The following SYTL3 variants were observed in gnomAD, a reference collection of about 807,000 sequenced individuals.
SYTL3 encodes the protein synaptotagmin-like protein 3.
In SYTL3, 88 loss-of-function variants were observed where a neutral mutation model predicts 82.1. That is an observed-to-expected ratio of 1.07 (90% confidence interval 0.90 to 1.28). The LOEUF is 1.28. SYTL3 is among the 50% of genes most tolerant of loss of function. SYTL3 has a pLI of 0.00. For missense variants in SYTL3, 831 were observed against 757.6 expected, an observed-to-expected ratio of 1.10 and a Z score of -1.14; for synonymous variants, 311 against 289.4, an observed-to-expected ratio of 1.07 and a Z score of -0.76.
chr6:158,726,648 G>A, intron 11 of SYTL3: 1 of 269,584 alleles, frequency 3.7e-6, no homozygotes, highest in East Asian at 1.0e-4. Context: ...GGAATGCAAA[G>A]TAATGGGTCC....
intron 6 of SYTL3, among the ~76,000 whole-genome samples, chr6:158,685,711 G>T (rs996598183): frequency 6.6e-6 from 1 of 152,050 alleles, no homozygotes; most frequent in Non-Finnish European, 1.5e-5. Flanking sequence ...CCAGCTACTC[G>T]GGAGGCTGAG....
chr6:158,682,913 TC>T lies in SYTL3; in HGVS notation c.330-11del, dbSNP rs750115693. ...TCTCTCTCTGAAGCTTCCTTTCTGC[TC>T]ATTTTTTCAGGAATGTCAAAATAAA... On this transcript the variant is annotated splice_polypyrimidine_tract_variant and intron_variant, in intron 5 of 17. Transcript: ENST00000611299. 22 of 1,610,066 alleles carry T rather than the reference TC, an allele frequency of 1.4e-5. No individual in the cohort carries two copies. The Admixed American group carries it at 1.5e-4, about 11-fold the overall frequency.
intron 6 of SYTL3, among the ~76,000 whole-genome samples, chr6:158,697,467 C>G (rs1050397124): frequency 1.3e-5 from 2 of 151,858 alleles, no homozygotes; most frequent in Admixed American, 6.6e-5. Context: ...GGGAAAGATT[C>G]ACGACATTGG....
In SYTL3 at chr6:158,728,668, C is replaced by T. The variant is rs1159660756; in HGVS notation, c.855+3031C>T. Among the ~76,000 whole-genome samples the T allele has an allele frequency of 2.6e-5, 4 of 152,290 alleles. No homozygotes were observed. The South Asian group carries it at 8.3e-4, about 32-fold the overall frequency. ...TATTAAAAAACATTAAGGCCGGGCG[C>T]GGTGGCTCATGCCTGTAATCCCAGC... On this transcript the variant is annotated intron_variant, in intron 11 of 17. Transcript: ENST00000611299.
At chr6:158,737,495 A>G (rs1786334897) in intron 11 of SYTL3, among the ~76,000 whole-genome samples, 1 of 152,246 alleles carries the variant, frequency 6.6e-6, no homozygotes, top group Admixed American at 6.5e-5. Context: ...TGTGACCTTC[A>G]GAGAAAGTCA....
At chr6:158,756,478 G>A (rs1044862641) in intron 13 of SYTL3, among the ~76,000 whole-genome samples, 3 of 152,202 alleles carry the variant, frequency 2.0e-5, no homozygotes, top group African/African-American at 7.2e-5. Flanking sequence ...GGGAGGCCGA[G>A]GCAGGTGGGT....
chr6:158,713,693 G>C (rs1314077168), intron 8 of SYTL3, 107 bp from the exon 9 acceptor site: 2 of 795,420 alleles, frequency 2.5e-6, no homozygotes, highest in Non-Finnish European at 4.3e-6. Context: ...ACACTCACTC[G>C]CACACACCCA....
chr6:158,722,139 CTTTCTT>C (rs1361864509), intron 10 of SYTL3, among the ~76,000 whole-genome samples: 1 of 143,464 alleles, frequency 7.0e-6, no homozygotes, highest in Admixed American at 6.9e-5. Context: ...TAGTAGATAA[CTTTCTT>C]TTTTTGTTTG....
At chr6:158,648,607 A>ATAAT (rs370837628), upstream of SYTL3, among the ~76,000 whole-genome samples, 53 of 127,328 alleles carry the variant, frequency 4.2e-4, no homozygotes, top group East Asian at 1.8e-3. Flanking sequence ...AAAAAAAAAA[A>ATAAT]AATAATAATA....
intron 11 of SYTL3, among the ~76,000 whole-genome samples, chr6:158,739,410 A>T (rs374444961): frequency 1.3e-5 from 2 of 152,202 alleles, no homozygotes; most frequent in South Asian, 4.1e-4. Flanking sequence ...TAGTTTTTTT[A>T]AAAAATATTT....
chr6:158,747,293 ATTC>A (rs1787785564), intron 12 of SYTL3, among the ~76,000 whole-genome samples: 1 of 152,128 alleles, frequency 6.6e-6, no homozygotes, highest in Non-Finnish European at 1.5e-5. Flanking sequence ...GGCCAGGCTT[ATTC>A]TTTTGTGAGT....
intron 5 of SYTL3, among the ~76,000 whole-genome samples, chr6:158,674,736 T>C (rs1777831439): frequency 6.6e-6 from 1 of 152,222 alleles, no homozygotes; most frequent in Non-Finnish European, 1.5e-5. Flanking sequence ...ATTGACTGGT[T>C]ATCTGATATA....
intron 11 of SYTL3, among the ~76,000 whole-genome samples, chr6:158,733,842 A>C (rs912151217): frequency 7.3e-5 from 11 of 151,032 alleles, no homozygotes; most frequent in Non-Finnish European, 1.6e-4. Flanking sequence ...TCACGCCTGT[A>C]ATCCCAGCTC....
Position 158,751,838 on chromosome 6 carries a change from G to T in SYTL3, c.1035-90G>T. The T allele has an allele frequency of 2.1e-6, 2 of 939,310 alleles. 1 individual carries two copies. Among genetic ancestry groups the T allele is most frequent in the South Asian group, 3.7e-5 (2 of 54,506 alleles). 58.2% of individuals were successfully genotyped at this position (939,310 alleles called of 1,614,324 possible). The stretch of plus-strand genomic sequence containing the variant: ...CAGCAGGAAGCCTGGTAAAGAAAAC[G>T]CTGGCATGTGGGTTCTCTGCTGCCC... On this transcript the variant is annotated intron_variant, in intron 12 of 17. Coordinates refer to ENST00000611299, the MANE Select transcript of SYTL3 (RefSeq NM_001242394.2).
At chr6:158,738,525 C>T (rs779250439) in intron 11 of SYTL3, among the ~76,000 whole-genome samples, 16 of 152,294 alleles carry the variant, frequency 1.1e-4, no homozygotes, top group Admixed American at 3.9e-4. Context: ...CTTGTCCTTC[C>T]TCTCTCTTAC....
At chr6:158,756,292 T>C (rs1261991260) in intron 13 of SYTL3, among the ~76,000 whole-genome samples, 4 of 152,368 alleles carry the variant, frequency 2.6e-5, no homozygotes, top group African/African-American at 9.6e-5. Context: ...GAACATCGTG[T>C]TGGCCTCTGC....
At chr6:158,760,575 G>C (rs1789774559) in intron 14 of SYTL3, 65 bp from the exon 15 acceptor site, 2 of 1,415,128 alleles carry the variant, frequency 1.4e-6, no homozygotes, top group African/African-American at 2.8e-5. Context: ...GAGACAACCA[G>C]AGGAACCCAG....
intron 2 of SYTL3, among the ~76,000 whole-genome samples, chr6:158,658,443 T>G (rs975131106): frequency 1.3e-5 from 2 of 152,124 alleles, no homozygotes; most frequent in African/African-American, 4.8e-5. Flanking sequence ...GCAACTGTGG[T>G]TCAATCGAAT....
intron 16 of SYTL3, among the ~76,000 whole-genome samples, chr6:158,762,965 T>C (rs1309862964): frequency 1.3e-5 from 2 of 152,176 alleles, no homozygotes; most frequent in Non-Finnish European, 2.9e-5. Context: ...CTTATCTGCA[T>C]GGCCTTGGAC....
Sources: allele counts gnomAD v4.1 joint callset (sites outside exome capture counted in the v4.1 genomes callset), GRCh38; gene constraint gnomAD v4.1.1; transcripts MANE v1.5; gene names NCBI Gene and HGNC (gene_info 2026-07-23, HGNC 2026-07-21).